Variants in FGGY observed in about 807,000 individuals in gnomAD.
FGGY encodes the protein FGGY carbohydrate kinase domain containing.
Under a neutral mutation model 71.3 loss-of-function variants are expected in FGGY, and 72 were observed. That is an observed-to-expected ratio of 1.01 (90% CI 0.84 to 1.23). The LOEUF is 1.23. FGGY is among the 50% of genes most tolerant of loss of function. The pLI is 0.00. For synonymous variants in FGGY, 251 were observed against 250.3 expected (o/e 1.00, Z -0.02); for missense variants, 668 against 682.3 (o/e 0.98, Z 0.23).
intron 5 of FGGY, among the ~76,000 whole-genome samples, chr1:59,443,856 A>G (rs911254845): frequency 2.0e-5 from 3 of 149,926 alleles, no homozygotes; most frequent in South Asian, 2.1e-4. Flanking sequence ...CCTCATATAT[A>G]CACTAGGGTA....
intron 8 of FGGY, among the ~76,000 whole-genome samples, chr1:59,559,025 CT>C (rs1008309963): frequency 3.3e-5 from 5 of 152,160 alleles, no homozygotes; most frequent in African/African-American, 7.2e-5. Flanking sequence ...CCTAAAATCA[CT>C]GTTATTCTGT....
At chr1:59,597,412 A>G (rs1558493625) in intron 8 of FGGY, among the ~76,000 whole-genome samples, 1 of 152,186 alleles carries the variant, frequency 6.6e-6, no homozygotes, top group Non-Finnish European at 1.5e-5. Flanking sequence ...AACCCATCTG[A>G]GTGATCGTGT....
At chr1:59,667,145 C>T in intron 12 of FGGY, 138 bp from the exon 13 acceptor site, 1 of 1,083,052 alleles carries the variant, frequency 9.2e-7, no homozygotes, top group Non-Finnish European at 1.4e-6. Flanking sequence ...ACAACATAAT[C>T]TCTGTGAGTC....
intron 11 of FGGY, chr1:59,641,239 A>C: frequency 6.6e-7 from 1 of 1,515,670 alleles, no homozygotes; most frequent in Non-Finnish European, 9.0e-7. Flanking sequence ...TTAGCATTTT[A>C]TCTTAATAAT....
chr1:59,615,945 A>C (rs1221748576), intron 9 of FGGY, among the ~76,000 whole-genome samples: 1 of 152,228 alleles, frequency 6.6e-6, no homozygotes, highest in African/African-American at 2.4e-5. Flanking sequence ...AACCACAGTG[A>C]GATACCATCT....
intron 11 of FGGY, among the ~76,000 whole-genome samples, chr1:59,653,950 C>T (rs1256755541): frequency 6.6e-6 from 1 of 152,190 alleles, no homozygotes; most frequent in Non-Finnish European, 1.5e-5. Flanking sequence ...TACTCTGGAT[C>T]CAACCAGAGA....
chr1:59,360,411 AC>A (rs2055263725), intron 4 of FGGY, among the ~76,000 whole-genome samples: 2 of 152,194 alleles, frequency 1.3e-5, no homozygotes, highest in Admixed American at 1.3e-4. Flanking sequence ...GAATCACTGT[AC>A]AAGTATTTAT....
intron 14 of FGGY, among the ~76,000 whole-genome samples, chr1:59,756,898 A>AT (rs71281846): frequency 0.53 from 77,268 of 145,414 alleles, 20,441 homozygotes; most frequent in East Asian, 0.63. Context: ...TGGTATTCAG[A>AT]TTTTTTTTTT....
intron 8 of FGGY, among the ~76,000 whole-genome samples, chr1:59,556,286 TC>T (rs948566937): frequency 1.3e-5 from 2 of 152,212 alleles, no homozygotes; most frequent in Non-Finnish European, 2.9e-5. Context: ...TTTACCCCAC[TC>T]AATTCAGATT....
intron 11 of FGGY, among the ~76,000 whole-genome samples, chr1:59,657,526 G>T (rs758474447): frequency 1.3e-5 from 2 of 152,190 alleles, no homozygotes; most frequent in Non-Finnish European, 2.9e-5. Flanking sequence ...TGCTAGCATG[G>T]TGCAGGCAGC....
intron 2 of FGGY, 43 bp downstream of exon 2, chr1:59,321,793 C>T (rs776919965): frequency 1.3e-6 from 2 of 1,563,498 alleles, no homozygotes; most frequent in African/African-American, 2.7e-5. Context: ...ATATTCCTAC[C>T]TGCTGAGTGT....
At chr1:59,665,666 C>T (rs758299816) in intron 12 of FGGY, among the ~76,000 whole-genome samples, 2 of 151,836 alleles carry the variant, frequency 1.3e-5, no homozygotes, top group Non-Finnish European at 2.9e-5. Context: ...TGCTGACTTC[C>T]AAAACCCTGT....
At chr1:59,524,553 C>T (rs1047298785) in intron 7 of FGGY, among the ~76,000 whole-genome samples, 5 of 152,170 alleles carry the variant, frequency 3.3e-5, no homozygotes, top group African/African-American at 4.8e-5. Context: ...CTTCTGAGCC[C>T]GTAAAAATCC....
intron 5 of FGGY, among the ~76,000 whole-genome samples, chr1:59,432,412 T>C (rs138066167): frequency 4.3e-4 from 65 of 152,330 alleles, no homozygotes; most frequent in African/African-American, 1.5e-3. Context: ...AGACTTTTGA[T>C]TGGCATCTGA....
At chr1:59,450,470 C>T (rs1007348254) in intron 5 of FGGY, among the ~76,000 whole-genome samples, 1 of 152,108 alleles carries the variant, frequency 6.6e-6, no homozygotes, top group South Asian at 2.1e-4. Flanking sequence ...GTATCTTTAA[C>T]CCATGTAGTT....
chr1:59,740,403 A>G (rs554424507), intron 14 of FGGY, among the ~76,000 whole-genome samples: 30 of 152,358 alleles, frequency 2.0e-4, no homozygotes, highest in African/African-American at 5.0e-4. Context: ...GACAACTGCC[A>G]TTAAATCTCC....
chr1:59,565,451 A>AT (rs1276205991), intron 8 of FGGY, among the ~76,000 whole-genome samples: 2 of 152,132 alleles, frequency 1.3e-5, no homozygotes, highest in East Asian at 3.9e-4. Context: ...TGCCCGGCTA[A>AT]TTTTTTGTAT....
intron 5 of FGGY, among the ~76,000 whole-genome samples, chr1:59,405,126 C>T (rs192454856): frequency 7.2e-5 from 11 of 152,116 alleles, no homozygotes; most frequent in South Asian, 4.1e-4. Flanking sequence ...AAAGGCATTC[C>T]GCAAGTGTTT....
chr1:59,451,674 C>G (rs2072765562), intron 5 of FGGY, among the ~76,000 whole-genome samples: 1 of 152,118 alleles, frequency 6.6e-6, no homozygotes, highest in African/African-American at 2.4e-5. Flanking sequence ...TATACTCTTT[C>G]TCAAGTATTG....
Sources: allele counts gnomAD v4.1 joint callset (sites outside exome capture counted in the v4.1 genomes callset), GRCh38; gene constraint gnomAD v4.1.1; transcripts MANE v1.5; gene names NCBI Gene and HGNC (gene_info 2026-07-23, HGNC 2026-07-21).